GUCY1A2: variants seen among roughly 807,000 people sequenced by gnomAD.
GUCY1A2 encodes guanylate cyclase 1 soluble subunit alpha 2, also known as guanylate cyclase soluble subunit alpha-2.
Under a neutral mutation model 63.5 loss-of-function variants are expected in GUCY1A2, and 27 were observed. That is an observed-to-expected ratio of 0.43 (90% CI 0.31 to 0.59). The LOEUF is 0.59. Ranked by LOEUF, GUCY1A2 falls within the 20% of genes least tolerant of loss-of-function variation. The pLI is 0.11. For missense variants in GUCY1A2, 768 were observed against 913.3 expected, an observed-to-expected ratio of 0.84 and a Z score of 2.05; for synonymous variants, 364 against 343.5, an observed-to-expected ratio of 1.06 and a Z score of -0.66.
At chr11:107,006,865 T>C (rs1464407199) in intron 1 of GUCY1A2, among the ~76,000 whole-genome samples, 1 of 152,212 alleles carries the variant, frequency 6.6e-6, no homozygotes, top group African/African-American at 2.4e-5. Flanking sequence ...CACTCTTAAG[T>C]GCATTTCATA....
At chr11:106,889,378 T>A (rs534141727) in intron 4 of GUCY1A2, among the ~76,000 whole-genome samples, 1 of 152,260 alleles carries the variant, frequency 6.6e-6, no homozygotes, top group South Asian at 2.1e-4. Context: ...AATGACCACA[T>A]AACAGAGTCT....
At chr11:106,703,701 ATGT>A (rs1862856855) in intron 7 of GUCY1A2, among the ~76,000 whole-genome samples, 1 of 152,076 alleles carries the variant, frequency 6.6e-6, no homozygotes, top group African/African-American at 2.4e-5. Context: ...CTATAAAATA[ATGT>A]TTGTGTTGTT....
chr11:106,770,483 C>T (rs1565284335), intron 6 of GUCY1A2, among the ~76,000 whole-genome samples: 1 of 152,106 alleles, frequency 6.6e-6, no homozygotes, highest in East Asian at 1.9e-4. Context: ...AGGCTGAAAT[C>T]TGATAGGGTT....
chr11:106,891,821 C>T (rs544090448), intron 4 of GUCY1A2, among the ~76,000 whole-genome samples: 1 of 152,140 alleles, frequency 6.6e-6, no homozygotes. Flanking sequence ...TATAGTAAAT[C>T]TTGGGTCTTG....
chr11:106,703,600 A>G (rs1862854867), intron 7 of GUCY1A2, among the ~76,000 whole-genome samples: 1 of 152,168 alleles, frequency 6.6e-6, no homozygotes, highest in African/African-American at 2.4e-5. Context: ...GCATGTTATC[A>G]CCTAGAACTT....
intron 4 of GUCY1A2, among the ~76,000 whole-genome samples, chr11:106,855,160 C>T (rs2135453147): frequency 6.6e-6 from 1 of 152,138 alleles, no homozygotes. Flanking sequence ...GTGTGAGTTC[C>T]CTCTCTGCAA....
intron 4 of GUCY1A2, among the ~76,000 whole-genome samples, chr11:106,874,469 T>C (rs1312479109): frequency 6.6e-6 from 1 of 152,182 alleles, no homozygotes. Context: ...TATGTCACAG[T>C]CTCAAAGCAG....
At chr11:106,712,859 T>C (rs1294059898) in intron 6 of GUCY1A2, among the ~76,000 whole-genome samples, 2 of 152,200 alleles carry the variant, frequency 1.3e-5, no homozygotes, top group East Asian at 3.9e-4. Flanking sequence ...CTTTTCCATA[T>C]GATCTTTTGG....
intron 6 of GUCY1A2, among the ~76,000 whole-genome samples, chr11:106,721,594 G>T (rs1565268972): frequency 1.3e-5 from 2 of 152,098 alleles, no homozygotes; most frequent in Non-Finnish European, 2.9e-5. Context: ...ATTAGATGGC[G>T]CTCATGTTCA....
intron 4 of GUCY1A2, among the ~76,000 whole-genome samples, chr11:106,825,230 CTTAAG>C (rs1858952395): frequency 6.6e-6 from 1 of 152,054 alleles, no homozygotes; most frequent in African/African-American, 2.4e-5. Context: ...ATATAATTGT[CTTAAG>C]TTTTTTATGC....
intron 6 of GUCY1A2, among the ~76,000 whole-genome samples, chr11:106,729,095 T>A: frequency 6.6e-6 from 1 of 152,186 alleles, no homozygotes; most frequent in East Asian, 1.9e-4. Flanking sequence ...GATGTCTGCT[T>A]TTATGGTATT....
At chr11:106,831,728 CA>C (rs1366815585) in intron 4 of GUCY1A2, among the ~76,000 whole-genome samples, 1 of 152,100 alleles carries the variant, frequency 6.6e-6, no homozygotes, top group Non-Finnish European at 1.5e-5. Context: ...TAGAGGCACC[CA>C]ACCTGCCTCA....
At chr11:106,711,216 G>T (rs1434981924) in intron 6 of GUCY1A2, among the ~76,000 whole-genome samples, 1 of 152,082 alleles carries the variant, frequency 6.6e-6, no homozygotes, top group East Asian at 1.9e-4. Context: ...CCATGCATAT[G>T]TAGGTGCTAG....
chr11:106,971,497 C>T (rs749050449), intron 3 of GUCY1A2, among the ~76,000 whole-genome samples: 4 of 151,900 alleles, frequency 2.6e-5, no homozygotes, highest in Non-Finnish European at 4.4e-5. Context: ...CAACTATAAA[C>T]GTACACTGGA....
intron 6 of GUCY1A2, among the ~76,000 whole-genome samples, chr11:106,750,112 G>A (rs1293407306): frequency 1.3e-5 from 2 of 152,108 alleles, no homozygotes; most frequent in African/African-American, 4.8e-5. Flanking sequence ...GTCTGCTGCA[G>A]AAGGCCTGAC....
intron 1 of GUCY1A2, among the ~76,000 whole-genome samples, chr11:106,999,288 TAA>T (rs1234843689): frequency 1.3e-5 from 2 of 152,164 alleles, no homozygotes; most frequent in Non-Finnish European, 2.9e-5. Context: ...TTACTAAAAG[TAA>T]ATGCCCCCAC....
At chr11:106,757,089 C>T (rs1863988340) in intron 6 of GUCY1A2, among the ~76,000 whole-genome samples, 2 of 152,126 alleles carry the variant, frequency 1.3e-5, no homozygotes, top group Non-Finnish European at 2.9e-5. Context: ...CACTTTATTT[C>T]ATTAATTTGA....
At chr11:107,004,903 C>T (rs1235522958) in intron 1 of GUCY1A2, among the ~76,000 whole-genome samples, 1 of 152,086 alleles carries the variant, frequency 6.6e-6, no homozygotes. Flanking sequence ...TCAAGGAGTG[C>T]ATCATAGAAC....
intron 4 of GUCY1A2, among the ~76,000 whole-genome samples, chr11:106,835,938 T>G (rs1210148572): frequency 7.9e-5 from 12 of 152,016 alleles, no homozygotes; most frequent in Middle Eastern, 3.4e-3. Context: ...ATGGGACGAA[T>G]GTAGGTAAAT....
Sources: allele counts gnomAD v4.1 joint callset (sites outside exome capture counted in the v4.1 genomes callset), GRCh38; gene constraint gnomAD v4.1.1; transcripts MANE v1.5; gene names NCBI Gene and HGNC (gene_info 2026-07-23, HGNC 2026-07-21).